TBC1D21: variants seen among roughly 807,000 people sequenced by gnomAD.
TBC1D21 encodes TBC1 domain family member 21.
In TBC1D21, 38 loss-of-function variants were observed where a neutral mutation model predicts 46.0. The observed-to-expected ratio is 0.83, with a 90% CI of 0.64 to 1.08. The LOEUF is 1.08. Ranked by LOEUF, TBC1D21 falls within the 50% of genes least tolerant of loss-of-function variation. The probability of loss-of-function intolerance (pLI) is 0.00; values close to 1 mark genes in which losing one functional copy is unlikely to be tolerated. For missense variants in TBC1D21, 415 were observed against 417.9 expected, an observed-to-expected ratio of 0.99 and a Z score of 0.06; for synonymous variants, 151 against 157.2, an observed-to-expected ratio of 0.96 and a Z score of 0.29.
chr15:73,897,207 T>A, the TBC1D21 span, among the ~76,000 whole-genome samples: 1 of 152,184 alleles, frequency 6.6e-6, no homozygotes, highest in Non-Finnish European at 1.5e-5. Context: ...AATTGGTTAG[T>A]CCTTGGACTC....
chr15:73,889,115 C>G lies in TBC1D21; in HGVS notation c.*14C>G, dbSNP rs539009853. 6.2e-7 allele frequency: 1 copy of G among 1,611,862 alleles called. No individual in the cohort carries two copies. The highest frequency in any genetic ancestry group is 8.5e-7 in the Non-Finnish European group (1 of 1,179,136). On this transcript the variant is annotated 3_prime_UTR_variant, in exon 11 of 11. Transcript: ENST00000300504. ...TTCTTCCTCTGAGGACACCAAAGCCCGCAGTGGACTGATGCCTTCGATGGG... is the reference window on the plus strand; with the variant it reads ...TTCTTCCTCTGAGGACACCAAAGCCGGCAGTGGACTGATGCCTTCGATGGG...
chr15:73,881,784 G>C (rs370348934), intron 3 of TBC1D21, 37 bp downstream of exon 3: 1 of 1,571,742 alleles, frequency 6.4e-7, no homozygotes, highest in Non-Finnish European at 8.7e-7. Flanking sequence ...CAGGAGGGGG[G>C]CCTGCAGGTG....
chr15:73,885,720 T>C (rs770441850), intron 6 of TBC1D21, among the ~76,000 whole-genome samples: 16 of 151,782 alleles, frequency 1.1e-4, no homozygotes, highest in Non-Finnish European at 1.9e-4. Context: ...CTTGTCCCAG[T>C]TGGCTCTGCC....
downstream of TBC1D21, among the ~76,000 whole-genome samples, chr15:73,892,781 A>G (rs938053510): frequency 3.3e-5 from 5 of 152,276 alleles, no homozygotes; most frequent in African/African-American, 1.2e-4. Flanking sequence ...AGGCCCGAGC[A>G]AAACTCAGGC....
At chr15:73,890,340 G>A (rs2068326537), downstream of TBC1D21, among the ~76,000 whole-genome samples, 1 of 152,144 alleles carries the variant, frequency 6.6e-6, no homozygotes, top group Admixed American at 6.6e-5. Context: ...AGGTTGAGGG[G>A]GAATGCTGAA....
At chr15:73,879,219 T>G (rs866461255) in intron 1 of TBC1D21, among the ~76,000 whole-genome samples, 2 of 152,204 alleles carry the variant, frequency 1.3e-5, no homozygotes, top group African/African-American at 2.4e-5. Context: ...TATTTATCTA[T>G]TTATTTGAGA....
At chr15:73,880,175 A>T (rs12708512) in intron 1 of TBC1D21, among the ~76,000 whole-genome samples, 1 of 152,072 alleles carries the variant, frequency 6.6e-6, no homozygotes, top group South Asian at 2.1e-4. Context: ...GATTACAAGC[A>T]TGAGCCACTG....
the TBC1D21 span, chr15:73,907,942 G>T: frequency 2.6e-5 from 4 of 152,146 alleles, no homozygotes; most frequent in African/African-American, 4.8e-5. Context: ...CTGTAACAGT[G>T]GGAGGGCTGG....
downstream of TBC1D21, among the ~76,000 whole-genome samples, chr15:73,892,899 T>C (rs1428974465): frequency 1.3e-5 from 2 of 152,218 alleles, 1 homozygote; most frequent in African/African-American, 4.8e-5. Context: ...GTGATGGTGA[T>C]GTCGGCGACG....
At chr15:73,888,243 C>T (rs1253552817) in intron 9 of TBC1D21, among the ~76,000 whole-genome samples, 187 bp from the exon 10 acceptor site, 2 of 152,214 alleles carry the variant, frequency 1.3e-5, no homozygotes, top group Non-Finnish European at 2.9e-5. Flanking sequence ...TAACATTTAC[C>T]ATTGCCCCAA....
the TBC1D21 span, among the ~76,000 whole-genome samples, chr15:73,906,237 C>T: frequency 2.0e-5 from 3 of 152,146 alleles, no homozygotes; most frequent in African/African-American, 7.2e-5. Flanking sequence ...TTTGTGCTGC[C>T]ATCTTGAAGG....
At chr15:73,886,851 AGG>A (rs1204328728) in intron 8 of TBC1D21, among the ~76,000 whole-genome samples, 1 of 152,244 alleles carries the variant, frequency 6.6e-6, no homozygotes, top group Non-Finnish European at 1.5e-5. Context: ...CAGTTGACAC[AGG>A]AGGGCCCTAT....
chr15:73,892,595 G>T (rs1183704729), downstream of TBC1D21, among the ~76,000 whole-genome samples: 2 of 152,224 alleles, frequency 1.3e-5, no homozygotes, highest in East Asian at 1.9e-4. Context: ...ATCTGGAGCT[G>T]CCCCTCCCAC....
chr15:73,883,701 C>G (rs989925998), intron 3 of TBC1D21, among the ~76,000 whole-genome samples: 23 of 152,356 alleles, frequency 1.5e-4, no homozygotes, highest in African/African-American at 5.3e-4. Context: ...TGGAGGCCAC[C>G]ATGCGGCCAG....
intron 1 of TBC1D21, among the ~76,000 whole-genome samples, chr15:73,876,199 GTTTTTTTTTTTT>G (rs539517539): frequency 3.2e-4 from 9 of 28,312 alleles, no homozygotes; most frequent in Admixed American, 6.0e-4. Context: ...TTTTTTGTGG[GTTTTTTTTTTTT>G]TTTTTTTTTT....
chr15:73,881,367 C>A, intron 1 of TBC1D21, 32 bp from the exon 2 acceptor site: 1 of 1,542,032 alleles, frequency 6.5e-7, no homozygotes, highest in Non-Finnish European at 9.0e-7. Flanking sequence ...AGCCTTCTAA[C>A]ATAAGGCAGA....
chr15:73,893,560 C>G (rs2068353444), downstream of TBC1D21, among the ~76,000 whole-genome samples: 1 of 152,160 alleles, frequency 6.6e-6, no homozygotes, highest in African/African-American at 2.4e-5. Context: ...ACCCCAAGGC[C>G]ACTTTTTGTT....
chr15:73,905,806 C>A, the TBC1D21 span, among the ~76,000 whole-genome samples: 1 of 152,230 alleles, frequency 6.6e-6, no homozygotes, highest in Non-Finnish European at 1.5e-5. Context: ...CCTAAAGGGG[C>A]AGAGCAGAAT....
the TBC1D21 span, among the ~76,000 whole-genome samples, chr15:73,909,585 T>A: frequency 6.6e-6 from 1 of 152,072 alleles, no homozygotes; most frequent in Admixed American, 6.6e-5. Flanking sequence ...CGTAAGGCCA[T>A]GATGTCAGGC....
Sources: gnomAD v4.1 joint callset for allele counts (sites outside exome capture counted in the v4.1 genomes callset) on GRCh38, gnomAD v4.1.1 for gene constraint, MANE v1.5 for transcripts, NCBI Gene and HGNC (gene_info 2026-07-23, HGNC 2026-07-21) for gene names.